POLE: variants seen among roughly 807,000 people sequenced by gnomAD.
POLE encodes DNA polymerase epsilon catalytic subunit A.
POLE carries 188 observed loss-of-function variants against 279.2 expected under a neutral mutation model. The ratio of observed to expected loss-of-function variants is 0.67; its 90% CI spans 0.60 to 0.76. POLE has a LOEUF of 0.76. Ranked by LOEUF, POLE falls within the 30% of genes least tolerant of loss-of-function variation. POLE has a pLI of 0.00. For synonymous variants in POLE, 1,214 were observed against 1,172.5 expected, an observed-to-expected ratio of 1.04 and a Z score of -0.72; for missense variants, 2,703 against 3,016.7, an observed-to-expected ratio of 0.90 and a Z score of 2.44.
intron 26 of POLE, chr12:132,658,245 C>T (rs562662628): frequency 5.6e-4 from 208 of 373,358 alleles, no homozygotes; most frequent in African/African-American, 3.5e-3. Flanking sequence ...TAAACACATG[C>T]GTGTGCGTAG....
chr12:132,670,897 A>C (rs1235789461), intron 16 of POLE, among the ~76,000 whole-genome samples: 15 of 152,240 alleles, frequency 9.9e-5, no homozygotes, highest in Admixed American at 9.8e-4. Context: ...ACAATAGCCA[A>C]ACAGTGCTTC....
At position 132,661,586 on chromosome 12, in the gene POLE, C is replaced by A. The variant is rs1390815327; in HGVS notation, c.2805G>T (p.Gly935=). Reference sequence around the variant, plus strand: ...CTGGAAGAATCATGGCAAGGTAGGGCCCATCAACCTCAAAAAAGATGCTGT... The same window carrying A: ...CTGGAAGAATCATGGCAAGGTAGGGACCATCAACCTCAAAAAAGATGCTGT... The part of the protein sequence containing the change: ...SENSIFFEVD[G]PYLAMILPAS... The change falls in exon 24 of 49, where the codon GGG becomes GGT. Residue 935 remains glycine (G), a synonymous_variant. Transcript: ENST00000320574. This position sits in a 1 kb window ranked among gnomAD's most constrained non-coding sequence, Gnocchi z 4.1. 6.2e-7 allele frequency: 1 copy of A among 1,614,070 alleles called. No homozygotes were observed. Among genetic ancestry groups the A allele is most frequent in the Non-Finnish European group, 8.5e-7 (1 of 1,180,036 alleles).
chr12:132,680,761 G>A (rs1029538284), intron 2 of POLE, 74 bp from the exon 3 acceptor site: 10 of 1,159,736 alleles, frequency 8.6e-6, no homozygotes, highest in East Asian at 4.7e-5. Flanking sequence ...CCTACCTTTC[G>A]GGAAACTCAG....
rs550833202 is a variant in POLE at position 132,666,940 on chromosome 12, C to T, written c.2319+563G>A. The stretch of plus-strand genomic sequence containing the variant: ...AGGGCAGTGCAGGATGCCAGGGGGC[C>T]GCACAGCAGGGGCCGTGCTGAGTCT... On this transcript the variant is annotated intron_variant, in intron 20 of 48. Coordinates refer to ENST00000320574, the MANE Select transcript of POLE (RefSeq NM_006231.4). 2.7e-3 allele frequency among the ~76,000 whole-genome samples: 406 copies of T among 152,148 alleles called. 1 individual carries two copies. The highest frequency in any genetic ancestry group is 8.7e-3 in the African/African-American group (361 of 41,490).
chr12:132,637,700 A>G (rs1317003426), intron 41 of POLE, among the ~76,000 whole-genome samples: 2 of 152,240 alleles, frequency 1.3e-5, no homozygotes, highest in African/African-American at 4.8e-5. Context: ...TATTCAGGGC[A>G]CCTTGAATCT....
chr12:132,657,225 CG>C lies in POLE; in HGVS notation c.3492del (p.Asp1165ThrfsTer54). 1.2e-6 allele frequency: 2 copies of C among 1,613,982 alleles called. No homozygotes were observed. The highest frequency in any genetic ancestry group is 1.7e-6 in the Non-Finnish European group (2 of 1,180,002). The part of the protein sequence containing the change: ...VKNPVPRVKH[P>X]DWLHKKLLEK... ...TCCAGCAGTTTTTTGTGCAGCCAGT[CG>C]GGGTGTTTGACACGTGGCACTGGGT... On this transcript the variant is annotated frameshift_variant, in exon 29 of 49. Coordinates refer to ENST00000320574, the MANE Select transcript of POLE (RefSeq NM_006231.4). LOFTEE classifies it high-confidence loss of function.
rs772686048 is a variant in POLE, at chr12:132,649,858, G to A, written c.3614C>T (p.Pro1205Leu). 2.1e-5 allele frequency: 34 copies of A among 1,613,928 alleles called. No individual in the cohort carries two copies. The East Asian group carries it at 2.9e-4, about 14-fold the overall frequency. ...VTMAEASEDSPRPSAPDMEDF... is the reference protein window; with the variant it reads ...VTMAEASEDSLRPSAPDMEDF... Reference sequence around the variant, plus strand: ...CTCCATGTCAGGAGCACTTGGCCTCGGACTGTCTTCTGAGGCCTCGGCCAT... The same window carrying A: ...CTCCATGTCAGGAGCACTTGGCCTCAGACTGTCTTCTGAGGCCTCGGCCAT... Residue 1205 changes from proline to leucine, a missense_variant, in exon 30 of 49, where the codon CCG becomes CTG. This residue lies in a region of POLE where 1,551 missense variants were observed against 1,686.1 expected (regional missense o/e 0.92). Transcript: ENST00000320574.
intron 6 of POLE, 39 bp from the exon 7 acceptor site, chr12:132,677,758 G>C (rs746752310): frequency 6.2e-7 from 1 of 1,604,082 alleles, no homozygotes; most frequent in Admixed American, 1.7e-5. Flanking sequence ...CAGCTGCCAG[G>C]GTCTGGAGGA....
chr12:132,625,858 GA>G, intron 46 of POLE, 88 bp from the exon 47 acceptor site: 1 of 1,527,086 alleles, frequency 6.5e-7, no homozygotes, highest in Non-Finnish European at 8.8e-7. Context: ...AAGGGGCTGT[GA>G]GAAGCGCCTG....
At position 132,642,621 on chromosome 12, in the gene POLE, C is replaced by T. The variant is rs2042174359; in HGVS notation, c.4837G>A (p.Val1613Met). The T allele has an allele frequency of 6.2e-7, 1 of 1,613,392 alleles. No homozygotes were observed. The highest frequency in any genetic ancestry group is 1.1e-5 in the South Asian group (1 of 91,092). The change falls in exon 37 of 49, where the codon GTG becomes ATG. Residue 1613 changes from valine to methionine, a missense_variant. Around this residue, in one of 5 missense-constraint regions of POLE, gnomAD observed 1,551 missense variants for 1,686.1 expected, o/e 0.92. Transcript: ENST00000320574. ...ACCCCATAGTTGATCTTGTCAGCCA[C>T]ACAGATAGGCACCAGTGGGAATTCC... Reference protein sequence around the residue: ...LEEFPLVPICVADKINYGVLD... With the variant: ...LEEFPLVPICMADKINYGVLD...
chr12:132,680,155 C>T (rs1253322624), intron 4 of POLE, 23 bp downstream of exon 4: 1 of 1,611,786 alleles, frequency 6.2e-7, no homozygotes, highest in Non-Finnish European at 8.5e-7. Flanking sequence ...GTCGTCTGAC[C>T]TGAGTCTATG....
At chr12:132,635,612 T>C (rs563066397) in intron 42 of POLE, among the ~76,000 whole-genome samples, 2 of 152,380 alleles carry the variant, frequency 1.3e-5, no homozygotes, top group South Asian at 2.1e-4. Flanking sequence ...CGCACAACTA[T>C]GGTGCACTTC....
chr12:132,641,427 G>T, intron 39 of POLE: 1 of 585,786 alleles, frequency 1.7e-6, no homozygotes, highest in Non-Finnish European at 3.0e-6. Context: ...GCCACAGGGA[G>T]GTCAGAGGCA....
At chr12:132,663,179 C>A (rs990275066) in intron 23 of POLE, among the ~76,000 whole-genome samples, 10 of 152,174 alleles carry the variant, frequency 6.6e-5, no homozygotes, top group African/African-American at 2.4e-4. Context: ...TAATACAGGT[C>A]CAGAAACTCT....
Position 132,676,639 on chromosome 12 carries a change from CA to C in POLE, c.815del (p.Leu272TrpfsTer23). 6.2e-7 allele frequency: 1 copy of C among 1,612,190 alleles called. No homozygotes were observed. The highest frequency in any genetic ancestry group is 8.5e-7 in the Non-Finnish European group (1 of 1,178,358). ...GTTTGGTCGTCTCAATGTCAAATGC[CA>C]AAACCACAGGGTCCTGTGGGGACAA... ...DLVERPDPVV[L>X]AFDIETTKLP... On this transcript the variant is annotated frameshift_variant, in exon 9 of 49. Coordinates refer to ENST00000320574, the MANE Select transcript of POLE (RefSeq NM_006231.4). LOFTEE classifies it high-confidence loss of function.
chr12:132,686,283 G>A lies in POLE; in HGVS notation c.62+971C>T, dbSNP rs192925619. On this transcript the variant is annotated intron_variant, in intron 1 of 48. Coordinates refer to ENST00000320574, the MANE Select transcript of POLE (RefSeq NM_006231.4). ...CCTTGCTCTATTTTTTTTGAGACTG[G>A]GTCTGGCTCCGTCGCCCAGGCTGGA... is the stretch of plus-strand genomic sequence containing the variant. Among the ~76,000 whole-genome samples the A allele has an allele frequency of 3.5e-4, 52 of 149,052 alleles. No homozygotes were observed. In the East Asian group the frequency reaches 5.8e-3, roughly 17 times the overall value.
intron 35 of POLE, 88 bp downstream of exon 35, chr12:132,643,136 C>A: frequency 6.7e-7 from 1 of 1,494,218 alleles, no homozygotes; most frequent in Non-Finnish European, 9.2e-7. Flanking sequence ...GAGGACAAGA[C>A]CTGGAGGGCC....
Position 132,667,365 on chromosome 12 carries a change from C to A in POLE, c.2319+138G>T, listed in dbSNP as rs2042819693. 4 of 917,024 alleles carry A rather than the reference C, an allele frequency of 4.4e-6. No individual in the cohort carries two copies. In the Admixed American group the frequency reaches 6.4e-5, roughly 15 times the overall value. The allele number at this position is 917,024 out of a possible 1,614,324, so 56.8% of individuals were successfully genotyped here. A position where few individuals can be genotyped will look rare whatever the true frequency, so the allele number is the denominator to read the frequency against. On this transcript the variant is annotated intron_variant, in intron 20 of 48. Coordinates refer to ENST00000320574, the MANE Select transcript of POLE (RefSeq NM_006231.4). The stretch of plus-strand genomic sequence containing the variant: ...TTCGTGGCCATCAACTCTTCCAAGT[C>A]AAAAACAATTGCACGTTACCATCCG...
At position 132,624,665 on chromosome 12, in the gene POLE, C is replaced by T. The variant is rs371577331; in HGVS notation, c.*32G>A. ...GGCCTTGGCATCAGGAGGCCTGGCA[C>T]GGACGCAGAGGCACCCGGGGCCCGG... is the stretch of plus-strand genomic sequence containing the variant. On this transcript the variant is annotated 3_prime_UTR_variant, in exon 49 of 49. Transcript: ENST00000320574. The T allele has an allele frequency of 2.4e-5, 31 of 1,279,290 alleles. No homozygotes were observed. Among genetic ancestry groups the T allele is most frequent in the East Asian group, 1.4e-4 (6 of 43,380 alleles). 79.2% of individuals were successfully genotyped at this position (1,279,290 alleles called of 1,614,324 possible).
Sources: allele counts gnomAD v4.1 joint callset (sites outside exome capture counted in the v4.1 genomes callset), GRCh38; gene constraint gnomAD v4.1.1; regional missense constraint gnomAD v4.1.1; non-coding constraint Gnocchi (gnomAD v3.1); transcripts MANE v1.5; gene names NCBI Gene and HGNC (gene_info 2026-07-23, HGNC 2026-07-21).